The following ZFAND3 variants were observed in gnomAD, a reference collection of about 807,000 sequenced individuals.
ZFAND3 encodes the protein AN1-type zinc finger protein 3.
Under a neutral mutation model 29.6 loss-of-function variants are expected in ZFAND3, and 10 were observed. That is an observed-to-expected ratio of 0.34 (90% CI 0.21 to 0.57). ZFAND3 has a LOEUF of 0.57. Among genes scored for constraint, ZFAND3 ranks in the 20% least tolerant of loss-of-function variants. The pLI is 0.86. For synonymous variants in ZFAND3, 128 were observed against 112.6 expected, an observed-to-expected ratio of 1.14 and a Z score of -0.87; for missense variants, 230 against 304.5, an observed-to-expected ratio of 0.76 and a Z score of 1.82.
At chr6:37,841,962 T>A (rs1302038588) in intron 1 of ZFAND3, among the ~76,000 whole-genome samples, 1 of 152,136 alleles carries the variant, frequency 6.6e-6, no homozygotes, top group Non-Finnish European at 1.5e-5. Context: ...GAGGGCAAGG[T>A]CAAGGTACTG....
chr6:37,958,903 T>G (rs924439800), intron 2 of ZFAND3, among the ~76,000 whole-genome samples: 3 of 152,174 alleles, frequency 2.0e-5, no homozygotes, highest in Non-Finnish European at 2.9e-5. Context: ...CCCATTAATG[T>G]GTCTGTAAAG....
chr6:37,850,875 C>T (rs1764267706), intron 1 of ZFAND3, among the ~76,000 whole-genome samples: 1 of 152,054 alleles, frequency 6.6e-6, no homozygotes. Context: ...GCTGGGATTA[C>T]AGGTGTGAGC....
intron 2 of ZFAND3, among the ~76,000 whole-genome samples, chr6:38,027,733 T>C (rs1436769234): frequency 6.6e-6 from 1 of 152,192 alleles, no homozygotes; most frequent in Non-Finnish European, 1.5e-5. Context: ...CAGCAGAGGC[T>C]TTGAAACCAA....
chr6:38,131,313 T>C (rs187684897), intron 5 of ZFAND3, among the ~76,000 whole-genome samples: 5 of 152,378 alleles, frequency 3.3e-5, no homozygotes, highest in Non-Finnish European at 4.4e-5. Context: ...TACTCTGATA[T>C]TGGTTCTTTT....
At chr6:37,843,677 A>G (rs1312983182) in intron 1 of ZFAND3, among the ~76,000 whole-genome samples, 1 of 152,142 alleles carries the variant, frequency 6.6e-6, no homozygotes, top group Non-Finnish European at 1.5e-5. Context: ...CTGTTTTTGC[A>G]ATTACTCAGC....
intron 3 of ZFAND3, among the ~76,000 whole-genome samples, chr6:38,062,970 T>C (rs1473592698): frequency 6.6e-6 from 1 of 151,030 alleles, no homozygotes; most frequent in Non-Finnish European, 1.5e-5. Flanking sequence ...GTGTTTATGG[T>C]CCCAGCTACT....
intron 2 of ZFAND3, chr6:38,002,857 G>T (rs926743499): frequency 3.3e-5 from 5 of 152,090 alleles, no homozygotes; most frequent in Non-Finnish European, 7.4e-5. Context: ...GAGCAGATTC[G>T]CTGGCTTCAT....
At chr6:37,892,009 G>A (rs1765114736) in intron 1 of ZFAND3, among the ~76,000 whole-genome samples, 1 of 152,150 alleles carries the variant, frequency 6.6e-6, no homozygotes, top group Non-Finnish European at 1.5e-5. Flanking sequence ...GATTACAGGC[G>A]TGAGCCATAG....
Position 38,154,252 on chromosome 6 carries a change from C to G in ZFAND3, c.*1863C>G. On this transcript the variant is annotated 3_prime_UTR_variant, in exon 6 of 6. Coordinates refer to ENST00000287218, the MANE Select transcript of ZFAND3 (RefSeq NM_021943.3). ...CCCGAAGAGGCTGTGCGAGCCCTTC[C>G]CGGCCCTCCCCAGGGCCCCCCGCCC... The G allele has an allele frequency of 1.0e-6, 1 of 985,536 alleles. No individual in the cohort carries two copies. The highest frequency in any genetic ancestry group is 1.2e-6 in the Non-Finnish European group (1 of 829,998). 61.0% of individuals were successfully genotyped at this position (985,536 alleles called of 1,614,324 possible).
intron 1 of ZFAND3, among the ~76,000 whole-genome samples, chr6:37,825,577 CTT>C (rs1214237264): frequency 1.3e-5 from 2 of 151,826 alleles, no homozygotes; most frequent in Non-Finnish European, 2.9e-5. Flanking sequence ...GAGGCAATAG[CTT>C]TTTAGAGTTA....
intron 4 of ZFAND3, among the ~76,000 whole-genome samples, chr6:38,105,305 G>C (rs1381613257): frequency 2.0e-5 from 3 of 152,084 alleles, no homozygotes; most frequent in African/African-American, 7.2e-5. Flanking sequence ...TACTCCAGAA[G>C]CTGAGGGGAG....
At chr6:37,969,361 T>C (rs1033741613) in intron 2 of ZFAND3, among the ~76,000 whole-genome samples, 3 of 152,146 alleles carry the variant, frequency 2.0e-5, no homozygotes, top group African/African-American at 7.2e-5. Context: ...GAAAATGCCG[T>C]AAGTCAAAAA....
chr6:38,061,328 C>T (rs750619545), intron 2 of ZFAND3, among the ~76,000 whole-genome samples: 9 of 152,108 alleles, frequency 5.9e-5, no homozygotes, highest in Non-Finnish European at 1.3e-4. Context: ...TTTTAACATG[C>T]GTCTTTGGCT....
At chr6:38,075,094 G>T (rs1417573590) in intron 3 of ZFAND3, among the ~76,000 whole-genome samples, 1 of 152,184 alleles carries the variant, frequency 6.6e-6, no homozygotes, top group Non-Finnish European at 1.5e-5. Flanking sequence ...ATGTTTCCAT[G>T]CCTGGTAACA....
At chr6:37,909,040 C>G (rs1765469747) in intron 1 of ZFAND3, among the ~76,000 whole-genome samples, 1 of 152,096 alleles carries the variant, frequency 6.6e-6, no homozygotes, top group Non-Finnish European at 1.5e-5. Flanking sequence ...GTCTCATTGA[C>G]TTGTTACATT....
At chr6:38,083,777 A>G (rs1764709128) in intron 4 of ZFAND3, among the ~76,000 whole-genome samples, 1 of 152,122 alleles carries the variant, frequency 6.6e-6, no homozygotes, top group South Asian at 2.1e-4. Context: ...ATGTACTCAG[A>G]TGCTGAAACA....
chr6:38,076,757 T>G (rs563890024), intron 3 of ZFAND3, among the ~76,000 whole-genome samples: 1 of 152,340 alleles, frequency 6.6e-6, no homozygotes, highest in East Asian at 1.9e-4. Context: ...TGTTTTTAAT[T>G]GATGGGGCTT....
rs1050730138 is a variant in ZFAND3 at position 38,010,805 on chromosome 6, T to C, written c.113-50788T>C. Among the ~76,000 whole-genome samples the C allele has an allele frequency of 6.6e-5, 10 of 151,946 alleles. No individual in the cohort carries two copies. The East Asian group carries it at 1.9e-3, about 29-fold the overall frequency. On this transcript the variant is annotated intron_variant, in intron 2 of 5. Coordinates refer to ENST00000287218, the MANE Select transcript of ZFAND3 (RefSeq NM_021943.3). ...TAGTAGAGATGGGGTTTCACCATGT[T>C]GGCCAGGTTGGTCTCAAACTCCTGA...
chr6:38,120,483 G>A (rs1298392306), intron 5 of ZFAND3, among the ~76,000 whole-genome samples: 3 of 151,622 alleles, frequency 2.0e-5, no homozygotes, highest in African/African-American at 4.9e-5. Flanking sequence ...ACACCTCCAC[G>A]CCTGGCTAAT....
Sources: allele counts gnomAD v4.1 joint callset (sites outside exome capture counted in the v4.1 genomes callset), GRCh38; gene constraint gnomAD v4.1.1; transcripts MANE v1.5; gene names NCBI Gene and HGNC (gene_info 2026-07-23, HGNC 2026-07-21).